ACBD6: variants seen among roughly 807,000 people sequenced by gnomAD.
The protein encoded by ACBD6 is acyl-CoA-binding domain-containing protein 6.
ACBD6 carries 28 observed loss-of-function variants against 37.2 expected under a neutral mutation model. The observed-to-expected ratio is 0.75, with a 90% CI of 0.56 to 1.03. The LOEUF (loss-of-function observed/expected upper bound fraction) is 1.03, where lower values mean the gene tolerates loss of function less well. Among genes scored for constraint, ACBD6 ranks in the 50% least tolerant of loss-of-function variants. The pLI is 0.00. For synonymous variants in ACBD6, 113 were observed against 126.8 expected (o/e 0.89, Z 0.73); for missense variants, 340 against 337.4 (o/e 1.01, Z -0.06).
chr1:180,373,895 C>G (rs947940962), intron 6 of ACBD6, among the ~76,000 whole-genome samples: 2 of 152,026 alleles, frequency 1.3e-5, no homozygotes, highest in East Asian at 1.9e-4. Flanking sequence ...AGTAAAAACC[C>G]TTTTACTTAT....
intron 7 of ACBD6, among the ~76,000 whole-genome samples, chr1:180,289,968 C>T (rs1174731742): frequency 6.6e-6 from 1 of 152,038 alleles, no homozygotes; most frequent in East Asian, 1.9e-4. Flanking sequence ...AAGATTACCA[C>T]TAGGGAAGGC....
At chr1:180,314,391 C>A (rs1392648710) in intron 7 of ACBD6, among the ~76,000 whole-genome samples, 1 of 152,078 alleles carries the variant, frequency 6.6e-6, no homozygotes, top group African/African-American at 2.4e-5. Context: ...ATTACAGGTG[C>A]CCGCCATCAG....
intron 9 of ACBD6, chr1:180,276,245 G>GACTT (rs1649019211): frequency 6.6e-6 from 1 of 152,214 alleles, no homozygotes; most frequent in Non-Finnish European, 1.5e-5. Context: ...GGACTGCAAA[G>GACTT]ACTTAGGCAT....
intron 3 of ACBD6, among the ~76,000 whole-genome samples, chr1:180,467,419 C>G (rs1299391418): frequency 2.7e-5 from 3 of 110,918 alleles, no homozygotes; most frequent in Non-Finnish European, 5.1e-5. Flanking sequence ...CAAGGCCAAA[C>G]TGGGCAATAT....
chr1:180,318,323 T>C (rs1650916563), intron 6 of ACBD6, among the ~76,000 whole-genome samples: 1 of 152,168 alleles, frequency 6.6e-6, no homozygotes, highest in Non-Finnish European at 1.5e-5. Context: ...CTTTGATATA[T>C]TTGAACATTT....
rs560475468 is a variant in ACBD6 at position 180,485,939 on chromosome 1, G to C, written c.384+6330C>G. Among the ~76,000 whole-genome samples, 431 of 148,346 alleles carry C rather than the reference G, an allele frequency of 2.9e-3. 2 individuals are homozygous for C. Among genetic ancestry groups the C allele is most frequent in the Non-Finnish European group, 4.2e-3 (284 of 67,170 alleles). On this transcript the variant is annotated intron_variant, in intron 3 of 7. Transcript: ENST00000367595. ...AGGAGCCATCTTGAAGGTACTCCCA[G>C]TAGCAAAAAAAAAAAAAATGATTTT...
chr1:180,357,847 TGCTCTTGCCAGCAGAGCTTATTTCATAA>T (rs1652687147), intron 6 of ACBD6, among the ~76,000 whole-genome samples: 1 of 152,204 alleles, frequency 6.6e-6, no homozygotes, highest in African/African-American at 2.4e-5. Flanking sequence ...AGAGACTTGA[TGCTCTTGCCAGCAGAGCTTATTTCATAA>T]GCTCTTGTAA....
chr1:180,494,922 G>C (rs1651672302), intron 2 of ACBD6, among the ~76,000 whole-genome samples: 1 of 152,198 alleles, frequency 6.6e-6, no homozygotes, highest in African/African-American at 2.4e-5. Flanking sequence ...AAAAAGAGAA[G>C]TTAGTATCTG....
At chr1:180,389,790 T>A (rs1376578422) in intron 6 of ACBD6, among the ~76,000 whole-genome samples, 1 of 152,376 alleles carries the variant, frequency 6.6e-6, no homozygotes, top group South Asian at 2.1e-4. Flanking sequence ...TTTGGCTGCA[T>A]AAATGACTTC....
At chr1:180,342,579 A>G (rs1652022478) in intron 6 of ACBD6, among the ~76,000 whole-genome samples, 1 of 151,192 alleles carries the variant, frequency 6.6e-6, no homozygotes, top group African/African-American at 2.4e-5. Context: ...TATTATTAAT[A>G]ATTATCTTAA....
chr1:180,372,451 T>G (rs1238729793), intron 6 of ACBD6, among the ~76,000 whole-genome samples: 1 of 152,190 alleles, frequency 6.6e-6, no homozygotes, highest in African/African-American at 2.4e-5. Context: ...TTAATGCTAA[T>G]TCCATGAAAT....
chr1:180,347,095 G>C (rs897066715), intron 6 of ACBD6, among the ~76,000 whole-genome samples: 27 of 152,192 alleles, frequency 1.8e-4, no homozygotes, highest in African/African-American at 6.5e-4. Flanking sequence ...CTAATACAGA[G>C]CTATTCTTTT....
intron 6 of ACBD6, among the ~76,000 whole-genome samples, chr1:180,395,456 G>C (rs1654224341): frequency 6.6e-6 from 1 of 152,172 alleles, no homozygotes; most frequent in African/African-American, 2.4e-5. Context: ...GGTAACACCA[G>C]TGTTGTGTGA....
intron 6 of ACBD6, among the ~76,000 whole-genome samples, chr1:180,331,157 T>C (rs1310804727): frequency 6.6e-6 from 1 of 152,218 alleles, no homozygotes; most frequent in African/African-American, 2.4e-5. Flanking sequence ...CAGTAGCTTC[T>C]AGGGTCACAC....
intron 7 of ACBD6, among the ~76,000 whole-genome samples, chr1:180,314,448 T>C (rs1173058347): frequency 6.6e-6 from 1 of 152,184 alleles, no homozygotes; most frequent in Non-Finnish European, 1.5e-5. Flanking sequence ...TTTCAGCATG[T>C]TGGCCAGGCT....
At chr1:180,353,404 C>G (rs1652493218) in intron 6 of ACBD6, among the ~76,000 whole-genome samples, 1 of 152,032 alleles carries the variant, frequency 6.6e-6, no homozygotes, top group Non-Finnish European at 1.5e-5. Context: ...TACTGGTTAA[C>G]AGAAAAAATT....
chr1:180,492,465 C>CAGAGGG lies in ACBD6; in HGVS notation c.288-101_288-100insCCCTCT. ...AACTGTATGCACATTTCAAGGGTCT[C>CAGAGGG]TGAATATAGAGATAATAAGCTATGG... is the stretch of plus-strand genomic sequence containing the variant. On this transcript the variant is annotated intron_variant, in intron 2 of 7. Transcript: ENST00000367595. 4.5e-6 allele frequency: 4 copies of CAGAGGG among 896,136 alleles called. No homozygotes were observed. The Admixed American group carries it at 7.8e-5, about 17-fold the overall frequency. 55.5% of individuals were successfully genotyped at this position (896,136 alleles called of 1,614,324 possible).
At chr1:180,314,795 CA>C (rs753892110) in intron 6 of ACBD6, 73 bp from the exon 7 acceptor site, 35 of 1,149,868 alleles carry the variant, frequency 3.0e-5, no homozygotes, top group Non-Finnish European at 4.4e-5. Flanking sequence ...TAAACTGTAG[CA>C]AATTTATCTG....
At chr1:180,402,662 A>G (rs1170069395) in intron 5 of ACBD6, among the ~76,000 whole-genome samples, 1 of 152,076 alleles carries the variant, frequency 6.6e-6, no homozygotes, top group Non-Finnish European at 1.5e-5. Flanking sequence ...ACATGGTGGC[A>G]CACTTCTGTA....
Sources: allele counts gnomAD v4.1 joint callset (sites outside exome capture counted in the v4.1 genomes callset), GRCh38; gene constraint gnomAD v4.1.1; transcripts MANE v1.5; gene names NCBI Gene and HGNC (gene_info 2026-07-23, HGNC 2026-07-21).